The following SSH1 variants were observed in gnomAD, a reference collection of about 807,000 sequenced individuals.
SSH1 encodes protein phosphatase Slingshot homolog 1.
Under a neutral mutation model 79.7 loss-of-function variants are expected in SSH1, and 43 were observed. The observed-to-expected ratio is 0.54, with a 90% confidence interval of 0.42 to 0.70. The LOEUF (loss-of-function observed/expected upper bound fraction) is 0.70, where lower values mean the gene tolerates loss of function less well. Ranked by LOEUF, SSH1 falls within the 30% of genes least tolerant of loss-of-function variation. The pLI is 0.00. For missense variants in SSH1, 1,206 were observed against 1,358.8 expected (o/e 0.89, Z 1.77); for synonymous variants, 599 against 538.3 (o/e 1.11, Z -1.56).
chr12:108,806,237 C>A (rs764754001), intron 9 of SSH1, 64 bp downstream of exon 9: 3 of 1,484,012 alleles, frequency 2.0e-6, no homozygotes, highest in Admixed American at 3.3e-5. Flanking sequence ...GCTGCACTTT[C>A]GGGAGCAGGA....
intron 1 of SSH1, chr12:108,852,925 T>C: frequency 8.1e-6 from 8 of 985,470 alleles, no homozygotes; most frequent in Non-Finnish European, 7.2e-6. Flanking sequence ...GATGGAGTCC[T>C]GTTAGCTCAA....
intron 14 of SSH1, among the ~76,000 whole-genome samples, chr12:108,789,640 G>A (rs2136964722): frequency 6.6e-6 from 1 of 152,266 alleles, no homozygotes; most frequent in South Asian, 2.1e-4. Flanking sequence ...GGGAGAGAGG[G>A]ACAAGTTCTA....
intron 5 of SSH1, 152 bp downstream of exon 5, chr12:108,816,886 C>T (rs1412718092): frequency 8.6e-6 from 10 of 1,169,154 alleles, no homozygotes; most frequent in South Asian, 2.5e-5. Context: ...TGAAATGGCA[C>T]ACCCTAGTGT....
Position 108,787,928 on chromosome 12 carries a change from T to C in SSH1, c.*60A>G, listed in dbSNP as rs1369654910. 4.4e-6 allele frequency: 7 copies of C among 1,601,600 alleles called. No homozygotes were observed. In the East Asian group the frequency reaches 1.6e-4, roughly 36 times the overall value. ...GTAAGGGGTCGATCCAAATCCACAG[T>C]GAAAGTGAGGGAGGGATCATATGAA... On this transcript the variant is annotated 3_prime_UTR_variant, in exon 15 of 15. Coordinates refer to ENST00000326495, the MANE Select transcript of SSH1 (RefSeq NM_018984.4).
At chr12:108,792,970 C>T in intron 13 of SSH1, 141 bp from the exon 14 acceptor site, 4 of 995,334 alleles carry the variant, frequency 4.0e-6, no homozygotes, top group Non-Finnish European at 6.0e-6. Flanking sequence ...GGTAAAGCCT[C>T]TCTCTGTTCA....
At chr12:108,798,094 G>T (rs1283230396) in intron 13 of SSH1, among the ~76,000 whole-genome samples, 1 of 152,226 alleles carries the variant, frequency 6.6e-6, no homozygotes, top group African/African-American at 2.4e-5. Flanking sequence ...AAAGAGGCCG[G>T]TTCCTCCACT....
chr12:108,798,581 C>T (rs960780530), intron 13 of SSH1, among the ~76,000 whole-genome samples: 24 of 152,166 alleles, frequency 1.6e-4, no homozygotes, highest in African/African-American at 5.3e-4. Flanking sequence ...CCCTGCTCAT[C>T]AGTGGCGGAA....
Position 108,784,226 on chromosome 12 carries a change from G to A in SSH1, c.*3762C>T, listed in dbSNP as rs1456045086. On this transcript the variant is annotated 3_prime_UTR_variant, in exon 15 of 15. Coordinates refer to ENST00000326495, the MANE Select transcript of SSH1 (RefSeq NM_018984.4). Reference sequence around the variant, plus strand: ...GAATGGACTGCCCTCAGATAAGAGTGCATTAGTCCAGGGCCGTGCTGAGGG... The same window carrying A: ...GAATGGACTGCCCTCAGATAAGAGTACATTAGTCCAGGGCCGTGCTGAGGG... 6.6e-6 allele frequency: 1 copy of A among 152,230 alleles called. No homozygotes were observed. Among genetic ancestry groups the A allele is most frequent in the African/African-American group, 2.4e-5 (1 of 41,450 alleles). The allele number at this position is 152,230 out of a possible 1,614,324, so 9.4% of individuals were successfully genotyped here. A position where few individuals can be genotyped will look rare whatever the true frequency, so the allele number is the denominator to read the frequency against.
At chr12:108,798,775 G>T (rs925221297) in intron 13 of SSH1, among the ~76,000 whole-genome samples, 5 of 152,236 alleles carry the variant, frequency 3.3e-5, no homozygotes, top group Non-Finnish European at 1.5e-5. Context: ...CTTTATGTGT[G>T]TGCCAAGAAA....
intron 13 of SSH1, among the ~76,000 whole-genome samples, chr12:108,798,686 C>T (rs529777487): frequency 3.9e-5 from 6 of 152,310 alleles, no homozygotes; most frequent in Non-Finnish European, 5.9e-5. Context: ...AAGCGAGATG[C>T]GCACGTGCTT....
chr12:108,811,122 AAT>A, intron 6 of SSH1, 136 bp downstream of exon 6: 1 of 813,462 alleles, frequency 1.2e-6, no homozygotes, highest in Admixed American at 1.9e-5. Flanking sequence ...ACTCGAGGGC[AAT>A]ATGATTTCTC....
At chr12:108,837,740 T>C (rs575625158) in intron 2 of SSH1, among the ~76,000 whole-genome samples, 2 of 152,342 alleles carry the variant, frequency 1.3e-5, no homozygotes, top group East Asian at 1.9e-4. Flanking sequence ...ATTAATCATT[T>C]GTATGTGTTG....
At chr12:108,829,211 C>G (rs1593105497) in intron 2 of SSH1, among the ~76,000 whole-genome samples, 1 of 152,056 alleles carries the variant, frequency 6.6e-6, no homozygotes, top group East Asian at 1.9e-4. Flanking sequence ...GCCTGTAATC[C>G]CAGCTACTCA....
At chr12:108,849,438 T>G (rs2038968607) in intron 2 of SSH1, among the ~76,000 whole-genome samples, 1 of 152,102 alleles carries the variant, frequency 6.6e-6, no homozygotes, top group Non-Finnish European at 1.5e-5. Context: ...ACGCCTGTAG[T>G]CCCAGCTACT....
At chr12:108,811,351 T>C (rs777432808) in intron 5 of SSH1, 23 bp from the exon 6 acceptor site, 37 of 1,612,314 alleles carry the variant, frequency 2.3e-5, no homozygotes, top group Non-Finnish European at 3.0e-5. Flanking sequence ...AGAGAAGACA[T>C]GTGGAGTCAG....
At chr12:108,855,442 T>C (rs2039125167) in intron 1 of SSH1, among the ~76,000 whole-genome samples, 1 of 152,186 alleles carries the variant, frequency 6.6e-6, no homozygotes, top group Non-Finnish European at 1.5e-5. Flanking sequence ...CACAATCTCA[T>C]GTATATACTA....
chr12:108,848,977 C>T (rs1566020574), intron 2 of SSH1, among the ~76,000 whole-genome samples: 1 of 152,184 alleles, frequency 6.6e-6, no homozygotes, highest in Non-Finnish European at 1.5e-5. Flanking sequence ...CCCCAGTGGA[C>T]TTAGGCATGC....
At chr12:108,828,700 C>G (rs1382374970) in intron 2 of SSH1, among the ~76,000 whole-genome samples, 1 of 152,186 alleles carries the variant, frequency 6.6e-6, no homozygotes, top group Admixed American at 6.5e-5. Context: ...TCCTACCCAC[C>G]ACTGCCGTCA....
rs201379229 is a variant in SSH1, at chr12:108,806,290, A to T, written c.825+11T>A. On this transcript the variant is annotated intron_variant, in intron 9 of 14. Coordinates refer to ENST00000326495, the MANE Select transcript of SSH1 (RefSeq NM_018984.4). The stretch of plus-strand genomic sequence containing the variant: ...ACCTCTGACCTGCAATGAAGGGAGG[A>T]GTTGTCTTACCTCTTTGGAAGTCAC... 8.2e-5 allele frequency: 133 copies of T among 1,612,466 alleles called. No individual in the cohort carries two copies. Among genetic ancestry groups the T allele is most frequent in the Middle Eastern group, 3.3e-4 (2 of 6,080 alleles).
Sources: gnomAD v4.1 joint callset for allele counts (sites outside exome capture counted in the v4.1 genomes callset) on GRCh38, gnomAD v4.1.1 for gene constraint, MANE v1.5 for transcripts, NCBI Gene and HGNC (gene_info 2026-07-23, HGNC 2026-07-21) for gene names.